The following TXK variants were observed in gnomAD, a reference collection of about 807,000 sequenced individuals.
TXK encodes the protein TXK tyrosine kinase, also known as tyrosine-protein kinase TXK.
A neutral mutation model predicts 81.0 loss-of-function variants in TXK; 60 were observed. That is an observed-to-expected ratio of 0.74 (90% CI 0.60 to 0.92). TXK has a LOEUF of 0.92. TXK is among the 40% of genes least tolerant of loss of function. TXK has a pLI of 0.00. For synonymous variants in TXK, 203 were observed against 210.7 expected, an observed-to-expected ratio of 0.96 and a Z score of 0.32; for missense variants, 581 against 638.3, an observed-to-expected ratio of 0.91 and a Z score of 0.97.
intron 1 of TXK, among the ~76,000 whole-genome samples, chr4:48,116,395 T>A (rs1365519392): frequency 6.6e-6 from 1 of 152,132 alleles, no homozygotes; most frequent in Non-Finnish European, 1.5e-5. Context: ...GTAAGTATTA[T>A]CAGTCAGGAT....
intron 1 of TXK, among the ~76,000 whole-genome samples, chr4:48,119,528 C>G (rs1718894454): frequency 6.6e-6 from 1 of 152,156 alleles, no homozygotes; most frequent in South Asian, 2.1e-4. Context: ...CCCGATTTCT[C>G]TCTTCCTTTC....
In TXK at chr4:48,079,983, G is replaced by T. The variant is rs745338648; in HGVS notation, c.1102C>A (p.Leu368Met). Residue 368 changes from leucine (L) to methionine (M), a missense_variant, in exon 11 of 15, where the codon CTG becomes ATG. Transcript: ENST00000264316. ...TCACATATATCCTGGCATACACTCA[G>T]TAGCATTTCCTTCCTAAGCTTTCCT... ...NKGKLRKEMLLSVCQDICEGM... is the reference protein window; with the variant it reads ...NKGKLRKEMLMSVCQDICEGM... 6 of 1,613,722 alleles carry T rather than the reference G, an allele frequency of 3.7e-6. No individual in the cohort carries two copies. The highest frequency in any genetic ancestry group is 1.3e-5 in the African/African-American group (1 of 74,826).
chr4:48,105,630 C>T (rs1359931761), intron 5 of TXK, among the ~76,000 whole-genome samples: 1 of 152,120 alleles, frequency 6.6e-6, no homozygotes, highest in Non-Finnish European at 1.5e-5. Context: ...CCCACCATTA[C>T]ACAATATACT....
At chr4:48,129,072 C>T (rs1465078709) in intron 1 of TXK, among the ~76,000 whole-genome samples, 1 of 152,126 alleles carries the variant, frequency 6.6e-6, no homozygotes, top group African/African-American at 2.4e-5. Context: ...CAAGACCCCA[C>T]ACCAAGGAGA....
chr4:48,089,054 A>G (rs1717645961), intron 9 of TXK, among the ~76,000 whole-genome samples: 1 of 152,236 alleles, frequency 6.6e-6, no homozygotes, highest in Non-Finnish European at 1.5e-5. Flanking sequence ...ACAAAAAAAA[A>G]GATGAAGACG....
chr4:48,114,745 C>T (rs1718747076), intron 1 of TXK, among the ~76,000 whole-genome samples: 1 of 152,100 alleles, frequency 6.6e-6, no homozygotes, highest in South Asian at 2.1e-4. Context: ...TGATGCTCTC[C>T]TAGGAAATCT....
chr4:48,071,199 C>T (rs1716837093), intron 14 of TXK, among the ~76,000 whole-genome samples: 1 of 152,090 alleles, frequency 6.6e-6, no homozygotes, highest in Non-Finnish European at 1.5e-5. Flanking sequence ...TGCGCCCGGC[C>T]CATTAATTCT....
rs1319939761 is a variant in TXK, at chr4:48,110,531, G to C, written c.446+7C>G. The C allele has an allele frequency of 1.9e-6, 3 of 1,593,738 alleles. No individual in the cohort carries two copies. The Admixed American group carries it at 5.0e-5, about 27-fold the overall frequency. ...TTTTCATAGGTTATATTTTGGAGAA[G>C]ACTTACTCATATATTTCTAAATTAG... On this transcript the variant is annotated splice_region_variant and intron_variant, in intron 5 of 14. Coordinates refer to ENST00000264316, the MANE Select transcript of TXK (RefSeq NM_003328.3).
intron 7 of TXK, 103 bp downstream of exon 7, chr4:48,095,040 G>T: frequency 1.0e-6 from 1 of 988,692 alleles, no homozygotes; most frequent in Non-Finnish European, 1.6e-6. Flanking sequence ...TAACTTCCAG[G>T]TCAACAATCT....
intron 6 of TXK, among the ~76,000 whole-genome samples, chr4:48,101,867 T>C (rs1718206525): frequency 6.6e-6 from 1 of 151,410 alleles, no homozygotes; most frequent in African/African-American, 2.4e-5. Context: ...TTAAATTCTA[T>C]GCAAGAAAAC....
chr4:48,093,332 A>G (rs1184412389), intron 8 of TXK, among the ~76,000 whole-genome samples: 1 of 152,264 alleles, frequency 6.6e-6, no homozygotes, highest in Non-Finnish European at 1.5e-5. Flanking sequence ...AAAGAAGTGC[A>G]TGCATGACAA....
intron 1 of TXK, among the ~76,000 whole-genome samples, chr4:48,123,462 T>C (rs1013294536): frequency 6.6e-6 from 1 of 152,212 alleles, no homozygotes; most frequent in Non-Finnish European, 1.5e-5. Flanking sequence ...AGATTCTTCC[T>C]GAGCCCCACC....
intron 5 of TXK, 25 bp downstream of exon 5, chr4:48,110,513 A>G: frequency 6.4e-7 from 1 of 1,552,488 alleles, no homozygotes; most frequent in South Asian, 1.1e-5. Context: ...TGATTTTCAT[A>G]GGTTATATTT....
intron 1 of TXK, among the ~76,000 whole-genome samples, chr4:48,121,583 C>T (rs62298964): frequency 0.088 from 13,335 of 152,252 alleles, 897 homozygotes; most frequent in East Asian, 0.35. Context: ...CTACACACTT[C>T]CTCACATATA....
At chr4:48,117,064 T>C (rs988135866) in intron 1 of TXK, among the ~76,000 whole-genome samples, 2 of 152,074 alleles carry the variant, frequency 1.3e-5, no homozygotes, top group Admixed American at 1.3e-4. Context: ...TTTTTGTAGT[T>C]TTTAGTAGAG....
rs770987501 is a variant in TXK, at chr4:48,076,410, T to TC, written c.1229dup (p.Met411AsnfsTer8). On this transcript the variant is annotated frameshift_variant, in exon 12 of 15. Transcript: ENST00000264316. LOFTEE classifies it high-confidence loss of function. ...ATATACATAGCATGTACCTTGTCATTCCAAAGTCTGAAATTTTTACTATGC... is the reference window on the plus strand; with the variant it reads ...ATATACATAGCATGTACCTTGTCATTCCCAAAGTCTGAAATTTTTACTATGC... 1 of 1,611,204 alleles carries TC rather than the reference T, an allele frequency of 6.2e-7. No homozygotes were observed. The highest frequency in any genetic ancestry group is 1.1e-5 in the South Asian group (1 of 90,572).
rs1718668418 is a variant in TXK, at chr4:48,112,517, G to GA, written c.175-6dup. 1 of 1,601,312 alleles carries GA rather than the reference G, an allele frequency of 6.2e-7. No homozygotes were observed. Among genetic ancestry groups the GA allele is most frequent in the South Asian group, 1.1e-5 (1 of 89,496 alleles). ...CTGCACACGGCCCGTGTTGGACTGT[G>GA]AAAACCAATAAGTGAGTTGTTTTAC... On this transcript the variant is annotated splice_polypyrimidine_tract_variant and splice_region_variant and intron_variant, in intron 3 of 14. Coordinates refer to ENST00000264316, the MANE Select transcript of TXK (RefSeq NM_003328.3).
At chr4:48,077,338 C>T (rs1196567491) in intron 11 of TXK, among the ~76,000 whole-genome samples, 1 of 152,042 alleles carries the variant, frequency 6.6e-6, no homozygotes, top group Non-Finnish European at 1.5e-5. Context: ...AGTCAAGCAA[C>T]AAAAGCAAGA....
At chr4:48,074,995 G>T (rs1382073418) in intron 12 of TXK, among the ~76,000 whole-genome samples, 3 of 152,024 alleles carry the variant, frequency 2.0e-5, no homozygotes, top group Admixed American at 2.0e-4. Flanking sequence ...ACAGGAGTGA[G>T]ATCTCACTAC....
Sources: gnomAD v4.1 joint callset for allele counts (sites outside exome capture counted in the v4.1 genomes callset) on GRCh38, gnomAD v4.1.1 for gene constraint, MANE v1.5 for transcripts, NCBI Gene and HGNC (gene_info 2026-07-23, HGNC 2026-07-21) for gene names.